ARHGAP21: variants seen among roughly 807,000 people sequenced by gnomAD.
ARHGAP21 encodes the protein rho GTPase-activating protein 21.
In ARHGAP21, 38 loss-of-function variants were observed where a neutral mutation model predicts 164.6. The ratio of observed to expected loss-of-function variants is 0.23; its 90% CI spans 0.18 to 0.30. The LOEUF is 0.30. Among genes scored for constraint, ARHGAP21 ranks in the 10% least tolerant of loss-of-function variants. The probability of loss-of-function intolerance (pLI) is 1.00; values close to 1 mark genes in which losing one functional copy is unlikely to be tolerated. For synonymous variants in ARHGAP21, 766 were observed against 857.9 expected, an observed-to-expected ratio of 0.89 and a Z score of 1.87; for missense variants, 1,822 against 2,370.7, an observed-to-expected ratio of 0.77 and a Z score of 4.81.
Position 24,684,586 on chromosome 10 carries a change from G to C in ARHGAP21, c.64-14189C>G, listed in dbSNP as rs551598850. Among the ~76,000 whole-genome samples, 421 of 152,284 alleles carry C rather than the reference G, an allele frequency of 2.8e-3. 2 individuals carry two copies. The highest frequency in any genetic ancestry group is 9.4e-3 in the African/African-American group (391 of 41,550). ...AAACTTCCCAGGAGTTTATCAGTTT[G>C]ACTGTTGAATAACTGAGCAAACTAG... On this transcript the variant is annotated intron_variant, in intron 2 of 25. Transcript: ENST00000396432.
chr10:24,594,252 T>TAA (rs2076476035), intron 21 of ARHGAP21, among the ~76,000 whole-genome samples: 1 of 152,192 alleles, frequency 6.6e-6, no homozygotes, highest in African/African-American at 2.4e-5. Flanking sequence ...ATCAAAAAAC[T>TAA]AAGTTAAGAC....
At chr10:24,619,087 A>C (rs998668905) in intron 9 of ARHGAP21, among the ~76,000 whole-genome samples, 2 of 152,238 alleles carry the variant, frequency 1.3e-5, no homozygotes, top group Non-Finnish European at 2.9e-5. Context: ...TTTAGAAAGT[A>C]AAAGCACTGT....
At chr10:24,640,363 TCA>T in intron 4 of ARHGAP21, 1 of 151,848 alleles carries the variant, frequency 6.6e-6, no homozygotes, top group Admixed American at 6.6e-5. Flanking sequence ...TTCTTCTCTC[TCA>T]GAGTTCCCAA....
In ARHGAP21 at chr10:24,647,616, A is replaced by G. The variant is rs557373794; in HGVS notation, c.269-12513T>C. On this transcript the variant is annotated intron_variant, in intron 4 of 25. Coordinates refer to ENST00000396432, the MANE Select transcript of ARHGAP21 (RefSeq NM_020824.4). ...GTGCCAATTCAAGATGGTGGTCATC[A>G]TTAGAAATACCCCAGTGCACCTCCC... Among the ~76,000 whole-genome samples, 405 of 152,326 alleles carry G rather than the reference A, an allele frequency of 2.7e-3. 2 individuals are homozygous for G. Among genetic ancestry groups the G allele is most frequent in the Non-Finnish European group, 4.1e-3 (278 of 68,026 alleles).
At chr10:24,652,010 G>A (rs1199145881) in intron 4 of ARHGAP21, among the ~76,000 whole-genome samples, 1 of 152,148 alleles carries the variant, frequency 6.6e-6, no homozygotes, top group Admixed American at 6.5e-5. Context: ...AACAAAGGTT[G>A]GCAAACTTTT....
At chr10:24,589,136 GA>G in intron 25 of ARHGAP21, 134 bp downstream of exon 25, 2 of 788,618 alleles carry the variant, frequency 2.5e-6, no homozygotes, top group Non-Finnish European at 4.3e-6. Context: ...ATTGTTTTAG[GA>G]ATTAATTTTT....
At chr10:24,668,047 T>C (rs188424101) in intron 3 of ARHGAP21, among the ~76,000 whole-genome samples, 1 of 152,318 alleles carries the variant, frequency 6.6e-6, no homozygotes, top group Admixed American at 6.5e-5. Flanking sequence ...AGTGTCAATT[T>C]CTATGTTAAG....
chr10:24,598,016 A>G lies in ARHGAP21; in HGVS notation c.3133-7T>C. On this transcript the variant is annotated splice_region_variant and splice_polypyrimidine_tract_variant and intron_variant, in intron 14 of 25. Transcript: ENST00000396432. ...TGTTAGTGACTCCAGTGTCCTACAG[A>G]ATAAAGTAAAATTAGAAAATCAATT... 6.2e-7 allele frequency: 1 copy of G among 1,600,584 alleles called. No individual in the cohort carries two copies.
At chr10:24,637,711 C>T (rs549570103) in intron 4 of ARHGAP21, among the ~76,000 whole-genome samples, 1 of 152,252 alleles carries the variant, frequency 6.6e-6, no homozygotes, top group South Asian at 2.1e-4. Flanking sequence ...TTTGAAATGA[C>T]TACCATTGTA....
At chr10:24,625,299 G>GCAAAAAAAAA (rs768183583) in intron 7 of ARHGAP21, among the ~76,000 whole-genome samples, 1 of 53,794 alleles carries the variant, frequency 1.9e-5, no homozygotes, top group Non-Finnish European at 3.4e-5. Flanking sequence ...ATGAAACAGA[G>GCAAAAAAAAA]AAAAAAAAAA....
At position 24,661,179 on chromosome 10, in the gene ARHGAP21, C is replaced by A. The variant is rs189029446; in HGVS notation, c.268+5806G>T. 8.0e-5 allele frequency among the ~76,000 whole-genome samples: 12 copies of A among 149,858 alleles called. 1 individual carries two copies. The East Asian group carries it at 2.3e-3, about 29-fold the overall frequency. On this transcript the variant is annotated intron_variant, in intron 4 of 25. Transcript: ENST00000396432. ...TATTATAAATTATTATTTATATTCT[C>A]CAGAGATTTAAGGGAATACAGGATG...
chr10:24,677,556 C>T (rs538273909), intron 2 of ARHGAP21, among the ~76,000 whole-genome samples: 1 of 152,290 alleles, frequency 6.6e-6, no homozygotes, highest in Admixed American at 6.5e-5. Context: ...TATCATAAAT[C>T]CGTTGTAGTT....
chr10:24,601,286 G>A (rs557031780), intron 13 of ARHGAP21, among the ~76,000 whole-genome samples: 2 of 152,280 alleles, frequency 1.3e-5, no homozygotes, highest in South Asian at 2.1e-4. Context: ...AAAGACTTAC[G>A]TCTTAGAGCA....
chr10:24,701,589 G>C (rs751478264), intron 2 of ARHGAP21, among the ~76,000 whole-genome samples: 1 of 152,190 alleles, frequency 6.6e-6, no homozygotes, highest in Non-Finnish European at 1.5e-5. Flanking sequence ...AGTGGGAACG[G>C]TGAGTGCAAA....
At chr10:24,607,713 A>C (rs1177946969) in intron 10 of ARHGAP21, 32 bp downstream of exon 10, 1 of 1,612,026 alleles carries the variant, frequency 6.2e-7, no homozygotes, top group Non-Finnish European at 8.5e-7. Flanking sequence ...AGAGCATGAG[A>C]TACGGTTTAC....
chr10:24,601,126 TCATATCAAAGTCAAGGACTG>T (rs2076796974), intron 13 of ARHGAP21, among the ~76,000 whole-genome samples, 196 bp from the exon 14 acceptor site: 1 of 152,202 alleles, frequency 6.6e-6, no homozygotes, highest in Non-Finnish European at 1.5e-5. Flanking sequence ...GGCAGTGTAT[TCATATCAAAGTCAAGGACTG>T]TGAAATCCCA....
chr10:24,640,671 A>G (rs1400695818), intron 4 of ARHGAP21, among the ~76,000 whole-genome samples: 1 of 152,148 alleles, frequency 6.6e-6, no homozygotes, highest in Non-Finnish European at 1.5e-5. Flanking sequence ...ATTAATATCT[A>G]TTTTTCAGAT....
At chr10:24,588,545 T>A (rs951006518) in intron 25 of ARHGAP21, among the ~76,000 whole-genome samples, 1 of 152,228 alleles carries the variant, frequency 6.6e-6, no homozygotes, top group Non-Finnish European at 1.5e-5. Context: ...AGTCCTGTTA[T>A]GATATTTAAA....
intron 9 of ARHGAP21, 138 bp downstream of exon 9, chr10:24,619,335 C>T (rs1196828726): frequency 1.2e-6 from 1 of 842,750 alleles, no homozygotes; most frequent in Admixed American, 3.2e-5. Flanking sequence ...CTGGTTGAAG[C>T]ACAGCTTATG....
Sources: allele counts gnomAD v4.1 joint callset (sites outside exome capture counted in the v4.1 genomes callset), GRCh38; gene constraint gnomAD v4.1.1; transcripts MANE v1.5; gene names NCBI Gene and HGNC (gene_info 2026-07-23, HGNC 2026-07-21).